The following CNPY2 variants were observed in gnomAD, a reference collection of about 807,000 sequenced individuals.
The protein encoded by CNPY2 is protein canopy homolog 2.
A neutral mutation model predicts 25.5 loss-of-function variants in CNPY2; 19 were observed. That is an observed-to-expected ratio of 0.74 (90% CI 0.52 to 1.09). CNPY2 has a LOEUF of 1.09. Ranked by LOEUF, CNPY2 falls within the 50% of genes least tolerant of loss-of-function variation. The pLI is 0.00. For synonymous variants in CNPY2, 82 were observed against 85.0 expected (o/e 0.96, Z 0.19); for missense variants, 214 against 233.6 (o/e 0.92, Z 0.55).
At chr12:56,315,282 G>A in intron 1 of CNPY2, 40 bp from the exon 2 acceptor site, 1 of 1,291,830 alleles carries the variant, frequency 7.7e-7, no homozygotes, top group Non-Finnish European at 1.1e-6. Context: ...GTGAGGAGCC[G>A]ACTCCATTTT....
intron 3 of CNPY2, 115 bp from the exon 4 acceptor site, chr12:56,311,529 T>G: frequency 2.0e-6 from 2 of 995,444 alleles, no homozygotes; most frequent in African/African-American, 1.6e-5. Flanking sequence ...AAGCTTTCCC[T>G]AATTGATTTT....
chr12:56,313,363 G>A (rs1315908207), intron 3 of CNPY2, among the ~76,000 whole-genome samples: 3 of 151,928 alleles, frequency 2.0e-5, no homozygotes, highest in Admixed American at 1.3e-4. Context: ...GGTGGTGCAT[G>A]CCTGTAATCC....
In CNPY2 at chr12:56,310,226, G is replaced by A. The variant is rs146352009; in HGVS notation, c.*326C>T. ...AGACTCTAAAGACGTGGTATTGAGT[G>A]GGCACTGACTGAAAGCTTATCTAGT... On this transcript the variant is annotated 3_prime_UTR_variant, in exon 6 of 6. Transcript: ENST00000273308. 14 of 601,714 alleles carry A rather than the reference G, an allele frequency of 2.3e-5. No individual in the cohort carries two copies. In the African/African-American group the frequency reaches 2.6e-4, roughly 11 times the overall value. 37.3% of individuals were successfully genotyped at this position (601,714 alleles called of 1,614,324 possible).
At position 56,310,593 on chromosome 12, in the gene CNPY2, G is replaced by A. The variant is rs1233851460; in HGVS notation, c.508C>T (p.Leu170Phe). ...GATATGTGCAGGGCATGGTCACAAA[G>A]ATCTGCAAATGGCAAACAATTTAAA... ...KDKLCSKRTD[L>F]CDHALHISHD... The change falls in exon 6 of 6, where the codon CTT becomes TTT. Residue 170 changes from leucine to phenylalanine, a missense_variant and splice_region_variant. Coordinates refer to ENST00000273308, the MANE Select transcript of CNPY2 (RefSeq NM_014255.7). The A allele has an allele frequency of 1.2e-6, 2 of 1,614,060 alleles. No homozygotes were observed. Among genetic ancestry groups the A allele is most frequent in the African/African-American group, 1.3e-5 (1 of 74,914 alleles).
At chr12:56,311,621 G>A (rs921305205) in intron 3 of CNPY2, 2 of 584,778 alleles carry the variant, frequency 3.4e-6, no homozygotes, top group South Asian at 1.8e-5. Context: ...GCGCCATCTC[G>A]GCTTATTGCA....
chr12:56,314,614 T>C (rs1873827796), intron 3 of CNPY2: 1 of 1,388,110 alleles, frequency 7.2e-7, no homozygotes, highest in South Asian at 1.5e-5. Flanking sequence ...AGAAGGGTGC[T>C]GATCAGGACT....
chr12:56,314,549 G>A (rs1873825117), intron 3 of CNPY2: 1 of 1,181,476 alleles, frequency 8.5e-7, no homozygotes, highest in East Asian at 4.5e-5. Context: ...GATTTTGAAC[G>A]GATGTTTGCA....
Position 56,309,980 on chromosome 12 carries a change from G to A in CNPY2, c.*572C>T. 1.4e-6 allele frequency: 1 copy of A among 702,302 alleles called. No individual in the cohort carries two copies. 43.5% of individuals were successfully genotyped at this position (702,302 alleles called of 1,614,324 possible). On this transcript the variant is annotated 3_prime_UTR_variant, in exon 6 of 6. Transcript: ENST00000273308. ...AAAGCCCTTACTTTTCAGCTGAGTT[G>A]GTCACATCCATTTTCCCCTTCCTGT...
intron 3 of CNPY2, chr12:56,311,621 G>T (rs921305205): frequency 1.7e-6 from 1 of 584,778 alleles, no homozygotes; most frequent in Non-Finnish European, 3.1e-6. Flanking sequence ...GCGCCATCTC[G>T]GCTTATTGCA....
chr12:56,311,228 C>T lies in CNPY2; in HGVS notation c.391G>A (p.Gly131Ser), dbSNP rs773784477. ...TAGCTCACCGCAAACTTGAGGGTGC[C>T]GCTAATATCTGAGTCGATTCGGATG... ...QGIRIDSDIS[G>S]TLKFACESIV... Residue 131 changes from glycine to serine, a missense_variant, in exon 4 of 6, where the codon GGC (glycine) becomes AGC (serine). Transcript: ENST00000273308. 12 of 1,613,916 alleles carry T rather than the reference C, an allele frequency of 7.4e-6. No individual in the cohort carries two copies. The highest frequency in any genetic ancestry group is 3.3e-4 in the Middle Eastern group (2 of 6,084).
At chr12:56,310,907 G>C in intron 5 of CNPY2, 51 bp downstream of exon 5, 1 of 1,520,584 alleles carries the variant, frequency 6.6e-7, no homozygotes, top group South Asian at 1.1e-5. Flanking sequence ...GTTAGGGAAT[G>C]TCAGGTTCCA....
intron 3 of CNPY2, chr12:56,314,513 CA>C: frequency 8.7e-7 from 1 of 1,150,048 alleles, no homozygotes; most frequent in South Asian, 2.3e-5. Context: ...TCTGTTTTTT[CA>C]TTTTTTATTT....
At chr12:56,315,004 T>G in intron 2 of CNPY2, 38 bp from the exon 3 acceptor site, 1 of 1,609,860 alleles carries the variant, frequency 6.2e-7, no homozygotes. Flanking sequence ...GGGGACAGGG[T>G]AGGGGGTAGG....
intron 3 of CNPY2, 105 bp downstream of exon 3, chr12:56,314,746 G>C (rs1453034727): frequency 3.2e-6 from 5 of 1,569,722 alleles, no homozygotes; most frequent in Non-Finnish European, 4.3e-6. Flanking sequence ...TCTTTTTTCT[G>C]AGTCTGTTTT....
rs1873864146 is a variant in CNPY2, at chr12:56,315,163, A to C, written c.55T>G (p.Trp19Gly). 6.2e-7 allele frequency: 1 copy of C among 1,613,950 alleles called. No individual in the cohort carries two copies. The highest frequency in any genetic ancestry group is 8.5e-7 in the Non-Finnish European group (1 of 1,179,986). ...LLLGALLGTA[W>G]ARRSQDLHCG... ...TGGAGATCCTGGCTCCTCCGAGCCC[A>C]GGCGGTTCCCAGCAGGGCCCCCAGA... Residue 19 changes from tryptophan (W) to glycine (G), a missense_variant, in exon 2 of 6, where the codon TGG becomes GGG. Coordinates refer to ENST00000273308, the MANE Select transcript of CNPY2 (RefSeq NM_014255.7).
At position 56,311,180 on chromosome 12, in the gene CNPY2, C is replaced by T. The variant is rs372976808; in HGVS notation, c.408+31G>A. On this transcript the variant is annotated intron_variant, in intron 4 of 5. Coordinates refer to ENST00000273308, the MANE Select transcript of CNPY2 (RefSeq NM_014255.7). ...GGTTCTCCAACAACCCCTTAATGTC[C>T]AAGAACCAGCTACCGATTCCCATAG... 7 of 1,612,008 alleles carry T rather than the reference C, an allele frequency of 4.3e-6. No individual in the cohort carries two copies. The African/African-American group carries it at 9.3e-5, about 22-fold the overall frequency.
Position 56,314,989 on chromosome 12 carries a change from G to A in CNPY2, c.89-23C>T, listed in dbSNP as rs946727184. ...ATGCTGGTGGAAGAGGAGAGAATGA[G>A]AGCAGGGGACAGGGTAGGGGGTAGG... On this transcript the variant is annotated intron_variant, in intron 2 of 5. Coordinates refer to ENST00000273308, the MANE Select transcript of CNPY2 (RefSeq NM_014255.7). The A allele has an allele frequency of 3.1e-6, 5 of 1,613,682 alleles. No individual in the cohort carries two copies. In the African/African-American group the frequency reaches 4.0e-5, roughly 13 times the overall value.
At chr12:56,314,701 A>G in intron 3 of CNPY2, 150 bp downstream of exon 3, 1 of 1,502,238 alleles carries the variant, frequency 6.7e-7, no homozygotes, top group Non-Finnish European at 8.9e-7. Context: ...ATGGGGAATA[A>G]GCCTGCAGCT....
chr12:56,314,996 G>A, intron 2 of CNPY2, 30 bp from the exon 3 acceptor site: 1 of 1,612,200 alleles, frequency 6.2e-7, no homozygotes, highest in South Asian at 1.1e-5. Flanking sequence ...TGAGAGCAGG[G>A]GACAGGGTAG....
Sources: allele counts gnomAD v4.1 joint callset (sites outside exome capture counted in the v4.1 genomes callset), GRCh38; gene constraint gnomAD v4.1.1; transcripts MANE v1.5; gene names NCBI Gene and HGNC (gene_info 2026-07-23, HGNC 2026-07-21).